Variants in PRPSAP1 observed in about 807,000 individuals in gnomAD.
PRPSAP1 encodes phosphoribosyl pyrophosphate synthase-associated protein 1.
Under a neutral mutation model 39.4 loss-of-function variants are expected in PRPSAP1, and 31 were observed. The observed-to-expected ratio is 0.79, with a 90% CI of 0.59 to 1.06. The LOEUF (loss-of-function observed/expected upper bound fraction) is 1.06, where lower values mean the gene tolerates loss of function less well. PRPSAP1 is among the 50% of genes least tolerant of loss of function. PRPSAP1 has a pLI of 0.00. For synonymous variants in PRPSAP1, 212 were observed against 192.6 expected (o/e 1.10, Z -0.83); for missense variants, 430 against 511.6 (o/e 0.84, Z 1.54).
Position 76,332,373 on chromosome 17 carries a change from G to A in PRPSAP1, c.353C>T (p.Ala118Val). 6.2e-7 allele frequency: 1 copy of A among 1,614,138 alleles called. No homozygotes were observed. Among genetic ancestry groups the A allele is most frequent in the Non-Finnish European group, 8.5e-7 (1 of 1,180,032 alleles). ...IMAYALKTACARNIIGVIPYF... is the reference protein window; with the variant it reads ...IMAYALKTACVRNIIGVIPYF... ...GGGGATGACCCCAATAATGTTCCTG[G>A]CACAGGCAGTCTTCAGTGCGTAAGC... The change falls in exon 4 of 10, where the codon GCC (alanine) becomes GTC (valine). Residue 118 changes from alanine (A) to valine (V), a missense_variant. By Grantham distance (64) the Ala-to-Val change is moderately conservative (BLOSUM62 0). Around this residue, in one of 2 missense-constraint regions of PRPSAP1, gnomAD observed 278 missense variants for 376.3 expected, o/e 0.74. Transcript: ENST00000446526.
At chr17:76,343,383 G>A (rs574820126) in intron 3 of PRPSAP1, among the ~76,000 whole-genome samples, 9 of 152,212 alleles carry the variant, frequency 5.9e-5, no homozygotes, top group South Asian at 4.1e-4. Flanking sequence ...AACAGGCCAC[G>A]GTGCAAGATA....
chr17:76,315,451 G>A (rs1262250263), intron 7 of PRPSAP1, among the ~76,000 whole-genome samples: 1 of 152,084 alleles, frequency 6.6e-6, no homozygotes, highest in South Asian at 2.1e-4. Context: ...GTTTTTCTCT[G>A]TATACTGGCA....
At chr17:76,345,786 C>T (rs745636932) in intron 2 of PRPSAP1, 81 of 314,540 alleles carry the variant, frequency 2.6e-4, no homozygotes, top group Admixed American at 3.7e-4. Context: ...GTCCGTGCAC[C>T]GCCACTGCAT....
intron 1 of PRPSAP1, among the ~76,000 whole-genome samples, chr17:76,349,452 T>C (rs2071544571): frequency 6.6e-6 from 1 of 151,964 alleles, no homozygotes; most frequent in African/African-American, 2.4e-5. Flanking sequence ...TGATATGATG[T>C]AAGATAATCT....
chr17:76,339,176 G>A (rs763985108), intron 3 of PRPSAP1, among the ~76,000 whole-genome samples: 32 of 151,966 alleles, frequency 2.1e-4, no homozygotes, highest in Non-Finnish European at 4.1e-4. Flanking sequence ...AGGCCAAGGC[G>A]GGTGGATCAC....
At chr17:76,343,245 G>A (rs902889604) in intron 3 of PRPSAP1, among the ~76,000 whole-genome samples, 4 of 152,342 alleles carry the variant, frequency 2.6e-5, no homozygotes, top group East Asian at 1.9e-4. Context: ...CCTGTCAGGC[G>A]ATGAGAAAGG....
chr17:76,322,735 T>C (rs150364460), intron 7 of PRPSAP1, among the ~76,000 whole-genome samples: 1 of 152,010 alleles, frequency 6.6e-6, no homozygotes, highest in African/African-American at 2.4e-5. Flanking sequence ...CCTCTAATCC[T>C]AGCACTTCGG....
At chr17:76,340,298 C>A (rs2143525780) in intron 3 of PRPSAP1, among the ~76,000 whole-genome samples, 1 of 151,874 alleles carries the variant, frequency 6.6e-6, no homozygotes. Context: ...GGTCCAATTT[C>A]CTAATACTCA....
At chr17:76,345,420 T>TCGCG (rs1271842679) in intron 2 of PRPSAP1, among the ~76,000 whole-genome samples, 2 of 151,712 alleles carry the variant, frequency 1.3e-5, no homozygotes, top group Non-Finnish European at 2.9e-5. Context: ...TGAGCCGTGA[T>TCGCG]CGCGCCACTG....
rs564798448 is a variant in PRPSAP1 at position 76,350,626 on chromosome 17, A to G, written c.171-2045T>C. On this transcript the variant is annotated intron_variant, in intron 1 of 9. Transcript: ENST00000446526. ...CCAGGGAATGGGGACTTAGTATTTA[A>G]TGGGTACAGAGTTTCTGTTTGGGAT... Among the ~76,000 whole-genome samples, 9 of 152,298 alleles carry G rather than the reference A, an allele frequency of 5.9e-5. No homozygotes were observed. The South Asian group carries it at 1.4e-3, about 25-fold the overall frequency.
intron 7 of PRPSAP1, among the ~76,000 whole-genome samples, chr17:76,328,052 C>T (rs1331914080): frequency 6.6e-6 from 1 of 151,930 alleles, no homozygotes; most frequent in Non-Finnish European, 1.5e-5. Flanking sequence ...AGAAAACTAT[C>T]CAGGCATGGT....
At chr17:76,344,169 C>A (rs1426654035) in intron 3 of PRPSAP1, among the ~76,000 whole-genome samples, 1 of 151,920 alleles carries the variant, frequency 6.6e-6, no homozygotes, top group Non-Finnish European at 1.5e-5. Context: ...GCTCTGTAGC[C>A]CAGGCTGGAG....
intron 3 of PRPSAP1, among the ~76,000 whole-genome samples, chr17:76,341,269 G>C (rs1354304433): frequency 7.3e-6 from 1 of 137,426 alleles, no homozygotes; most frequent in Non-Finnish European, 1.5e-5. Context: ...ATAAGATCTG[G>C]CTCTGTTGCC....
At chr17:76,320,277 GAAAGA>G (rs1434946605) in intron 7 of PRPSAP1, among the ~76,000 whole-genome samples, 1 of 22,222 alleles carries the variant, frequency 4.5e-5, no homozygotes, top group Non-Finnish European at 1.3e-4. Flanking sequence ...AAGAAAGAAA[GAAAGA>G]AAAGAAAGAA....
intron 1 of PRPSAP1, among the ~76,000 whole-genome samples, chr17:76,350,169 G>T (rs2071551958): frequency 6.6e-6 from 1 of 152,042 alleles, no homozygotes; most frequent in Non-Finnish European, 1.5e-5. Context: ...GCCAGGCGCA[G>T]TGGCTCATGC....
chr17:76,346,759 C>A (rs1175929825), intron 2 of PRPSAP1, among the ~76,000 whole-genome samples: 3 of 152,166 alleles, frequency 2.0e-5, no homozygotes, highest in African/African-American at 7.2e-5. Context: ...TGGCCGGGCG[C>A]GGTGGCTCCG....
intron 1 of PRPSAP1, chr17:76,353,144 G>C (rs2071597586): frequency 5.6e-6 from 1 of 179,992 alleles, no homozygotes; most frequent in Non-Finnish European, 1.2e-5. Context: ...AGACTTGAGA[G>C]TGGCGGCGGT....
At chr17:76,353,320 G>A in intron 1 of PRPSAP1, 1 of 525,394 alleles carries the variant, frequency 1.9e-6, no homozygotes, top group South Asian at 2.7e-5. Flanking sequence ...GCGGGGGGCT[G>A]AGGTCACCGA....
intron 7 of PRPSAP1, among the ~76,000 whole-genome samples, chr17:76,323,495 T>C (rs1199471999): frequency 1.3e-5 from 2 of 151,838 alleles, no homozygotes; most frequent in Non-Finnish European, 2.9e-5. Context: ...GGCCAAAATA[T>C]CAACATTAAC....
Sources: allele counts gnomAD v4.1 joint callset (sites outside exome capture counted in the v4.1 genomes callset), GRCh38; gene constraint gnomAD v4.1.1; regional missense constraint gnomAD v4.1.1; transcripts MANE v1.5; gene names NCBI Gene and HGNC (gene_info 2026-07-23, HGNC 2026-07-21).